SPECC1: variants seen among roughly 807,000 people sequenced by gnomAD.
The protein encoded by SPECC1 is sperm antigen with calponin homology and coiled-coil domains 1, also known as cytospin-B.
Under a neutral mutation model 104.1 loss-of-function variants are expected in SPECC1, and 62 were observed. That is an observed-to-expected ratio of 0.60 (90% CI 0.49 to 0.74). SPECC1 has a LOEUF of 0.74. Ranked by LOEUF, SPECC1 falls within the 30% of genes least tolerant of loss-of-function variation. The probability of loss-of-function intolerance (pLI) is 0.00; values close to 1 mark genes in which losing one functional copy is unlikely to be tolerated. For missense variants in SPECC1, 1,306 were observed against 1,310.5 expected (o/e 1.00, Z 0.05); for synonymous variants, 513 against 501.6 (o/e 1.02, Z -0.30).
intron 7 of SPECC1, among the ~76,000 whole-genome samples, chr17:20,234,539 T>G (rs1480424224): frequency 6.6e-6 from 1 of 152,210 alleles, no homozygotes; most frequent in Non-Finnish European, 1.5e-5. Flanking sequence ...ACCTAGTGTT[T>G]CCATCTTGAC....
Position 20,314,251 on chromosome 17 carries a change from A to T in SPECC1, c.*186A>T. 1.6e-6 allele frequency: 1 copy of T among 612,154 alleles called. No individual in the cohort carries two copies. Among genetic ancestry groups the T allele is most frequent in the Non-Finnish European group, 2.9e-6 (1 of 339,218 alleles). 37.9% of individuals were successfully genotyped at this position (612,154 alleles called of 1,614,324 possible). A position where few individuals can be genotyped will look rare whatever the true frequency, so the allele number is the denominator to read the frequency against. On this transcript the variant is annotated 3_prime_UTR_variant, in exon 15 of 15. Coordinates refer to ENST00000395527, the MANE Select transcript of SPECC1 (RefSeq NM_001243439.2). ...GGGTCCCACGATGTACCTGTCTGAA[A>T]TGCAAATGCAGCTGGACTGTAAATT...
intron 10 of SPECC1, among the ~76,000 whole-genome samples, chr17:20,254,238 A>C (rs2039742849): frequency 6.6e-6 from 1 of 151,020 alleles, no homozygotes; most frequent in African/African-American, 2.4e-5. Flanking sequence ...CAGCAGTCCC[A>C]GCAGTCCCCA....
chr17:20,210,799 C>G (rs954747536), intron 4 of SPECC1, among the ~76,000 whole-genome samples: 1 of 152,172 alleles, frequency 6.6e-6, no homozygotes, highest in African/African-American at 2.4e-5. Context: ...CCCACCACAC[C>G]TCCACTTGCA....
At chr17:20,304,523 G>A (rs2041699447) in intron 13 of SPECC1, among the ~76,000 whole-genome samples, 1 of 152,136 alleles carries the variant, frequency 6.6e-6, no homozygotes, top group Non-Finnish European at 1.5e-5. Context: ...CTGAATGATT[G>A]TGGAGCACTA....
chr17:20,117,871 G>A (rs2048838377), intron 3 of SPECC1, among the ~76,000 whole-genome samples: 1 of 150,276 alleles, frequency 6.7e-6, no homozygotes, highest in Admixed American at 6.6e-5. Flanking sequence ...TTGGGAAGCT[G>A]AGGCGGGCTG....
At chr17:20,062,774 T>C (rs10083856) in intron 1 of SPECC1, among the ~76,000 whole-genome samples, 82,096 of 150,994 alleles carry the variant, frequency 0.54, 22,823 homozygotes, top group Middle Eastern at 0.62. Flanking sequence ...CTGCAACCTC[T>C]GCCACCTGGG....
chr17:20,298,948 A>AGAGAGAGAGAGAGAGAGTGT, intron 13 of SPECC1, among the ~76,000 whole-genome samples: 1 of 49,074 alleles, frequency 2.0e-5, no homozygotes, highest in Non-Finnish European at 3.7e-5. Flanking sequence ...AGAGAGAGAG[A>AGAGAGAGAGAGAGAGAGTGT]GTGTGTGTGT....
chr17:20,124,752 C>T (rs1223918391), intron 3 of SPECC1, among the ~76,000 whole-genome samples: 2 of 152,118 alleles, frequency 1.3e-5, no homozygotes, highest in Non-Finnish European at 2.9e-5. Context: ...TTTAAACAGG[C>T]TCAGAACACT....
Position 20,253,520 on chromosome 17 carries a change from A to G in SPECC1, c.2614A>G (p.Ser872Gly). The G allele has an allele frequency of 6.2e-7, 1 of 1,614,030 alleles. No individual in the cohort carries two copies. The highest frequency in any genetic ancestry group is 1.3e-5 in the African/African-American group (1 of 75,046). The change falls in exon 10 of 15, where the codon AGC (serine) becomes GGC (glycine). Residue 872 changes from serine (S) to glycine (G), a missense_variant. Coordinates refer to ENST00000395527, the MANE Select transcript of SPECC1 (RefSeq NM_001243439.2). The stretch of plus-strand genomic sequence containing the variant: ...GTTTTTACAGAGGCATTCGACTTAC[A>G]GCAGTGTGCGGCCAGCCAGCAGAGG... ...VSPMQRHSTY[S>G]SVRPASRGVT... is the part of the protein sequence containing the mutation.
At chr17:20,053,931 C>T (rs753196173) in intron 1 of SPECC1, among the ~76,000 whole-genome samples, 21 of 152,196 alleles carry the variant, frequency 1.4e-4, no homozygotes, top group South Asian at 1.0e-3. Context: ...CCAATACACA[C>T]GGCAAACCTT....
chr17:20,060,699 T>G (rs932991745), intron 1 of SPECC1, among the ~76,000 whole-genome samples: 2 of 152,206 alleles, frequency 1.3e-5, no homozygotes, highest in African/African-American at 4.8e-5. Context: ...TTAGTTCCAG[T>G]CAATAGTGAG....
At chr17:20,043,418 T>C (rs1283697828) in intron 1 of SPECC1, among the ~76,000 whole-genome samples, 1 of 152,260 alleles carries the variant, frequency 6.6e-6, no homozygotes, top group Non-Finnish European at 1.5e-5. Flanking sequence ...TCTAATTCTC[T>C]CATTTCCTTT....
At chr17:20,051,731 A>AT (rs1481312062) in intron 1 of SPECC1, among the ~76,000 whole-genome samples, 1 of 152,176 alleles carries the variant, frequency 6.6e-6, no homozygotes, top group Non-Finnish European at 1.5e-5. Context: ...TCAGCAATAA[A>AT]TAAGTTGTCA....
chr17:20,141,677 G>A (rs1242998340), intron 3 of SPECC1, among the ~76,000 whole-genome samples: 2 of 152,106 alleles, frequency 1.3e-5, no homozygotes, highest in Non-Finnish European at 2.9e-5. Context: ...TGTCACTCCA[G>A]AAATACCCCA....
At chr17:20,228,738 T>C (rs954466262) in intron 5 of SPECC1, among the ~76,000 whole-genome samples, 2 of 152,246 alleles carry the variant, frequency 1.3e-5, no homozygotes, top group East Asian at 3.8e-4. Flanking sequence ...ATATGGCTTA[T>C]TTATGAACTC....
At chr17:20,189,707 C>T (rs1421861323) in intron 3 of SPECC1, among the ~76,000 whole-genome samples, 6 of 152,128 alleles carry the variant, frequency 3.9e-5, no homozygotes, top group African/African-American at 1.4e-4. Flanking sequence ...TTCTGGAGTG[C>T]TGTTCATAGT....
chr17:20,026,369 A>G (rs1479723972), intron 1 of SPECC1, among the ~76,000 whole-genome samples: 2 of 152,130 alleles, frequency 1.3e-5, no homozygotes, highest in African/African-American at 4.8e-5. Flanking sequence ...AACATGTACA[A>G]TAAGTTATTG....
intron 12 of SPECC1, among the ~76,000 whole-genome samples, chr17:20,275,614 G>T (rs1346574187): frequency 6.6e-6 from 1 of 152,192 alleles, no homozygotes; most frequent in Non-Finnish European, 1.5e-5. Flanking sequence ...GACAATTTTT[G>T]TGAAAAGTAT....
chr17:20,260,176 T>C lies in SPECC1; in HGVS notation c.2838-16T>C. 6.2e-7 allele frequency: 1 copy of C among 1,602,842 alleles called. No individual in the cohort carries two copies. Among genetic ancestry groups the C allele is most frequent in the Non-Finnish European group, 8.5e-7 (1 of 1,171,550 alleles). On this transcript the variant is annotated splice_polypyrimidine_tract_variant and intron_variant, in intron 11 of 14. Transcript: ENST00000395527. ...TTAGCATCTTCTCCTTACCATGTGC[T>C]CTTCTTTCTAACCAGTGTGGAAAGA... is the stretch of plus-strand genomic sequence containing the variant.
Sources: allele counts gnomAD v4.1 joint callset (sites outside exome capture counted in the v4.1 genomes callset), GRCh38; gene constraint gnomAD v4.1.1; transcripts MANE v1.5; gene names NCBI Gene and HGNC (gene_info 2026-07-23, HGNC 2026-07-21).